MMP26: variants seen among roughly 807,000 people sequenced by gnomAD.
MMP26 encodes the protein matrix metalloproteinase-26.
A neutral mutation model predicts 31.0 loss-of-function variants in MMP26; 33 were observed. The ratio of observed to expected loss-of-function variants is 1.06; its 90% CI spans 0.81 to 1.42. MMP26 has a LOEUF of 1.42. MMP26 is among the 40% of genes most tolerant of loss of function. The pLI is 0.00. For synonymous variants in MMP26, 122 were observed against 114.9 expected, an observed-to-expected ratio of 1.06 and a Z score of -0.40; for missense variants, 347 against 316.1, an observed-to-expected ratio of 1.10 and a Z score of -0.74.
chr11:4,824,379 A>G (rs1381655815), intron 2 of MMP26, among the ~76,000 whole-genome samples: 1 of 152,104 alleles, frequency 6.6e-6, no homozygotes, highest in Non-Finnish European at 1.5e-5. Flanking sequence ...TAGCCTTTCT[A>G]TCCTCTATAA....
chr11:4,825,565 G>C (rs1849568184), intron 2 of MMP26, among the ~76,000 whole-genome samples: 1 of 152,074 alleles, frequency 6.6e-6, no homozygotes, highest in African/African-American at 2.4e-5. Flanking sequence ...AATAAAATCA[G>C]CCCATTCCAT....
intron 1 of MMP26, 88 bp from the exon 2 acceptor site, chr11:4,767,182 C>T (rs1848643266): frequency 6.6e-6 from 1 of 152,052 alleles, no homozygotes; most frequent in Non-Finnish European, 1.5e-5. Context: ...ATTTTCATGC[C>T]TATGTACAGA....
intron 2 of MMP26, among the ~76,000 whole-genome samples, chr11:4,837,650 T>C (rs1849737190): frequency 6.6e-6 from 1 of 152,174 alleles, no homozygotes; most frequent in Non-Finnish European, 1.5e-5. Flanking sequence ...TAAGTAAAAT[T>C]AGATAATTCT....
rs1439655184 is a variant in MMP26 at position 4,860,705 on chromosome 11, A to T, written c.-145+93364A>T. 4 of 321,474 alleles carry T rather than the reference A, an allele frequency of 1.2e-5. No individual in the cohort carries two copies. The East Asian group carries it at 2.5e-4, about 20-fold the overall frequency. The allele number at this position is 321,474 out of a possible 1,614,324, so 19.9% of individuals were successfully genotyped here. ...AGAGGAAAGAATAAAGTTAAAAAAC[A>T]TTTAGATGATATTTGTAACACTGTG... On this transcript the variant is annotated intron_variant, in intron 2 of 7. Coordinates refer to ENST00000380390, the MANE Select transcript of MMP26 (RefSeq NM_021801.5).
Position 4,720,295 on chromosome 11 carries a change from G to A in MMP26, c.-217+15250G>A, listed in dbSNP as rs147156288. On this transcript the variant is annotated intron_variant, in intron 1 of 7. Coordinates refer to ENST00000380390, the MANE Select transcript of MMP26 (RefSeq NM_021801.5). ...ATGTCATGCTTATTGCTAAACAAGC[G>A]TGTTCCTGCTTTTGGGAAATACCAT... Among the ~76,000 whole-genome samples the A allele has an allele frequency of 1.1e-3, 164 of 152,286 alleles. 2 individuals carry two copies. The Middle Eastern group carries it at 0.014, about 13-fold the overall frequency.
intron 2 of MMP26, chr11:4,875,521 C>G (rs1322829462): frequency 6.6e-6 from 1 of 152,002 alleles, no homozygotes; most frequent in Non-Finnish European, 1.5e-5. Context: ...GTTCACTTAC[C>G]TTTTCCATCT....
intron 4 of MMP26, 31 bp downstream of exon 4, chr11:4,989,899 T>A: frequency 6.4e-7 from 1 of 1,555,482 alleles, no homozygotes; most frequent in Non-Finnish European, 8.8e-7. Context: ...GAGGATAATG[T>A]GTGGGGTGAT....
chr11:4,849,702 AT>A (rs1849946764), intron 2 of MMP26, among the ~76,000 whole-genome samples: 2 of 151,832 alleles, frequency 1.3e-5, no homozygotes, highest in South Asian at 2.1e-4. Context: ...AGGGGCACTC[AT>A]TTTTTCTAAG....
Position 4,944,279 on chromosome 11 carries a change from A to C in MMP26, c.-144-43789A>C, listed in dbSNP as rs1424012067. On this transcript the variant is annotated intron_variant, in intron 2 of 7. Transcript: ENST00000380390. Reference sequence around the variant, plus strand: ...AGATAATACTATCCTGGAGCATCAGAGATTAGGTTTGAACCCCAGCTTTTG... The same window carrying C: ...AGATAATACTATCCTGGAGCATCAGCGATTAGGTTTGAACCCCAGCTTTTG... 4.1e-5 allele frequency: 8 copies of C among 194,960 alleles called. No individual in the cohort carries two copies. The South Asian group carries it at 4.6e-4, about 11-fold the overall frequency. The allele number at this position is 194,960 out of a possible 1,614,324, so 12.1% of individuals were successfully genotyped here. A position where few individuals can be genotyped will look rare whatever the true frequency, so the allele number is the denominator to read the frequency against.
rs559805396 is a variant in MMP26, at chr11:4,874,420, A to G, written c.-145+107079A>G. On this transcript the variant is annotated intron_variant, in intron 2 of 7. Transcript: ENST00000380390. The stretch of plus-strand genomic sequence containing the variant: ...TTGTCTAGTGGCTTTGCTCCTTTCT[A>G]TGACCAAGGCTCCTATTTCATTTAT... 8.5e-5 allele frequency among the ~76,000 whole-genome samples: 13 copies of G among 152,090 alleles called. No homozygotes were observed. In the East Asian group the frequency reaches 2.3e-3, roughly 27 times the overall value.
intron 2 of MMP26, among the ~76,000 whole-genome samples, chr11:4,986,057 C>A (rs1335437517): frequency 6.6e-6 from 1 of 152,180 alleles, no homozygotes; most frequent in African/African-American, 2.4e-5. Flanking sequence ...CTATCTATCT[C>A]TCATCTATCT....
chr11:4,793,063 T>C (rs1269867027), intron 2 of MMP26, among the ~76,000 whole-genome samples: 3 of 152,218 alleles, frequency 2.0e-5, no homozygotes, highest in Admixed American at 2.0e-4. Flanking sequence ...ACCCATGTGA[T>C]TCCAATAACC....
intron 2 of MMP26, among the ~76,000 whole-genome samples, chr11:4,862,756 T>C (rs1850180591): frequency 6.6e-6 from 1 of 152,128 alleles, no homozygotes; most frequent in South Asian, 2.1e-4. Flanking sequence ...TGCTAATAAG[T>C]TATTTTACAG....
At chr11:4,764,939 C>G (rs532778251) in intron 1 of MMP26, among the ~76,000 whole-genome samples, 1 of 152,164 alleles carries the variant, frequency 6.6e-6, no homozygotes, top group Admixed American at 6.5e-5. Context: ...TATGCTGAAA[C>G]TCCATTTCCT....
chr11:4,730,404 A>AAGAGACAGAGAGAGAGAGAG lies in MMP26; in HGVS notation c.-217+25364_-217+25365insCAGAGAGAGAGAGAGAGAGA, dbSNP rs141091963. On this transcript the variant is annotated intron_variant, in intron 1 of 7. Coordinates refer to ENST00000380390, the MANE Select transcript of MMP26 (RefSeq NM_021801.5). ...TATTTTAACACTTAGGTTTCTGGGA[A>AAGAGACAGAGAGAGAGAGAG]AGAGAGAGAGAGAGAGAGAGAGAGA... 6.6e-3 allele frequency among the ~76,000 whole-genome samples: 962 copies of AAGAGACAGAGAGAGAGAGAG among 145,038 alleles called. 17 individuals carry two copies. The highest frequency in any genetic ancestry group is 0.023 in the African/African-American group (890 of 38,182).
intron 1 of MMP26, among the ~76,000 whole-genome samples, chr11:4,760,449 T>A (rs1161864123): frequency 1.3e-5 from 2 of 152,220 alleles, no homozygotes; most frequent in Non-Finnish European, 2.9e-5. Context: ...ATAACCAGCC[T>A]TAATATTTGA....
At chr11:4,893,395 C>T (rs944953553) in intron 2 of MMP26, among the ~76,000 whole-genome samples, 2 of 152,018 alleles carry the variant, frequency 1.3e-5, no homozygotes, top group African/African-American at 4.8e-5. Flanking sequence ...ATACTACAAC[C>T]ACACTCCTTT....
At chr11:4,844,835 A>G (rs1488440363) in intron 2 of MMP26, among the ~76,000 whole-genome samples, 1 of 152,178 alleles carries the variant, frequency 6.6e-6, no homozygotes, top group Non-Finnish European at 1.5e-5. Flanking sequence ...CTTTACTCTA[A>G]GATCTAAAAC....
chr11:4,958,640 T>C (rs1401107829), intron 2 of MMP26, among the ~76,000 whole-genome samples: 4 of 152,212 alleles, frequency 2.6e-5, no homozygotes, highest in Non-Finnish European at 5.9e-5. Flanking sequence ...TTAATTTGTA[T>C]TTTTCTTTCT....
Sources: gnomAD v4.1 joint callset for allele counts (sites outside exome capture counted in the v4.1 genomes callset) on GRCh38, gnomAD v4.1.1 for gene constraint, MANE v1.5 for transcripts, NCBI Gene and HGNC (gene_info 2026-07-23, HGNC 2026-07-21) for gene names.